Variants in TMEM80 observed in about 807,000 individuals in gnomAD.
The protein encoded by TMEM80 is transmembrane protein 80.
A neutral mutation model predicts 13.6 loss-of-function variants in TMEM80; 16 were observed. The observed-to-expected ratio is 1.17, with a 90% CI of 0.79 to 1.78. The LOEUF (loss-of-function observed/expected upper bound fraction) is 1.78. TMEM80 is among the 40% of genes most tolerant of loss of function. The pLI is 0.00. For missense variants in TMEM80, 167 were observed against 184.6 expected, an observed-to-expected ratio of 0.90 and a Z score of 0.55; for synonymous variants, 92 against 89.5, an observed-to-expected ratio of 1.03 and a Z score of -0.16.
chr11:702,279 C>T (rs547983015), intron 4 of TMEM80, among the ~76,000 whole-genome samples: 3 of 152,250 alleles, frequency 2.0e-5, no homozygotes, highest in Non-Finnish European at 4.4e-5. Context: ...AGCTTGCCCC[C>T]CAGGGCGGGC....
chr11:696,167 G>C (rs1861144976), intron 1 of TMEM80, among the ~76,000 whole-genome samples: 1 of 152,176 alleles, frequency 6.6e-6, no homozygotes, highest in African/African-American at 2.4e-5. Flanking sequence ...CGGGATGGGC[G>C]CAGGGTTTCG....
intron 1 of TMEM80, among the ~76,000 whole-genome samples, chr11:696,334 G>A (rs1328076463): frequency 6.6e-6 from 1 of 152,142 alleles, no homozygotes; most frequent in African/African-American, 2.4e-5. Flanking sequence ...GGTACAGCCA[G>A]AACTCCCATA....
At chr11:702,317 C>T (rs116069225) in intron 4 of TMEM80, among the ~76,000 whole-genome samples, 20 of 152,368 alleles carry the variant, frequency 1.3e-4, no homozygotes, top group East Asian at 7.7e-4. Flanking sequence ...AGCACCGCTG[C>T]GGCACAGAGG....
intron 4 of TMEM80, among the ~76,000 whole-genome samples, chr11:701,375 G>GT (rs71464108): frequency 6.7e-4 from 83 of 124,310 alleles, no homozygotes; most frequent in South Asian, 2.7e-3. Flanking sequence ...GTTTTGTTTT[G>GT]TTTTTTTTTG....
At position 703,015 on chromosome 11, in the gene TMEM80, C is replaced by T. The variant is rs1861567908; in HGVS notation, c.297C>T (p.Ala99=). ...AASLALTAGT[A]LLSAHFLLWQ... Reference sequence around the variant, plus strand: ...GCCTGGCCCTCACGGCTGGCACCGCCCTCCTCTCTGCCCACTTCCTGCTTT... The same window carrying T: ...GCCTGGCCCTCACGGCTGGCACCGCTCTCCTCTCTGCCCACTTCCTGCTTT... The change falls in exon 5 of 5, where the codon GCC becomes GCT. Residue 99 remains alanine, a synonymous_variant. Coordinates refer to ENST00000397510, the MANE Select transcript of TMEM80 (RefSeq NM_001042463.3). 3 of 1,612,542 alleles carry T rather than the reference C, an allele frequency of 1.9e-6. No homozygotes were observed. The highest frequency in any genetic ancestry group is 2.5e-6 in the Non-Finnish European group (3 of 1,179,860).
Position 703,292 on chromosome 11 carries a change from T to G in TMEM80, c.*142T>G. On this transcript the variant is annotated 3_prime_UTR_variant, in exon 5 of 5. Coordinates refer to ENST00000397510, the MANE Select transcript of TMEM80 (RefSeq NM_001042463.3). Reference sequence around the variant, plus strand: ...GATGGTTTTGGATGGTTCCATCTGTTCTGGCAGGAGTGGGAGCAGGAGCCA... The same window carrying G: ...GATGGTTTTGGATGGTTCCATCTGTGCTGGCAGGAGTGGGAGCAGGAGCCA... The G allele has an allele frequency of 1.4e-6, 2 of 1,431,224 alleles. No individual in the cohort carries two copies. Among genetic ancestry groups the G allele is most frequent in the Non-Finnish European group, 1.8e-6 (2 of 1,088,682 alleles). 88.7% of individuals were successfully genotyped at this position (1,431,224 alleles called of 1,614,324 possible). A position where few individuals can be genotyped will look rare whatever the true frequency, so the allele number is the denominator to read the frequency against.
rs750075705 is a variant in TMEM80, at chr11:703,166, A to G, written c.*16A>G. ...CACCAGGTAGCTACGGACACCCGGGATACCCCACACTGGGGCCCTCCTCCT... is the reference window on the plus strand; with the variant it reads ...CACCAGGTAGCTACGGACACCCGGGGTACCCCACACTGGGGCCCTCCTCCT... On this transcript the variant is annotated 3_prime_UTR_variant, in exon 5 of 5. Coordinates refer to ENST00000397510, the MANE Select transcript of TMEM80 (RefSeq NM_001042463.3). The G allele has an allele frequency of 1.1e-5, 18 of 1,592,958 alleles. No homozygotes were observed. The East Asian group carries it at 3.8e-4, about 34-fold the overall frequency.
intron 4 of TMEM80, among the ~76,000 whole-genome samples, chr11:702,490 ATTTG>A (rs2133474621): frequency 6.6e-6 from 1 of 152,258 alleles, no homozygotes; most frequent in East Asian, 1.9e-4. Context: ...TGACTGACCC[ATTTG>A]TTTGCTAAAT....
downstream of TMEM80, chr11:704,410 C>T: frequency 7.9e-7 from 1 of 1,271,572 alleles, no homozygotes; most frequent in Non-Finnish European, 1.0e-6. Flanking sequence ...TTGTCCTGGG[C>T]CGACTTCCTT....
At chr11:699,149 C>A in intron 2 of TMEM80, 1 of 497,204 alleles carries the variant, frequency 2.0e-6, no homozygotes, top group Non-Finnish European at 3.6e-6. Context: ...TGGCCACCTG[C>A]CTCTGTCTCG....
rs1403275776 is a variant in TMEM80 at position 698,860 on chromosome 11, C to G, written c.20-9C>G. 1 of 1,614,192 alleles carries G rather than the reference C, an allele frequency of 6.2e-7. No individual in the cohort carries two copies. On this transcript the variant is annotated splice_polypyrimidine_tract_variant and intron_variant, in intron 1 of 4. Transcript: ENST00000397510. ...GTCAGGCCTTGCTCACGGCCCCTTT[C>G]TCTTTCAGGGAGAGGATCCTCCACA...
intron 1 of TMEM80, chr11:697,891 G>A (rs749840695): frequency 6.6e-6 from 1 of 152,202 alleles, no homozygotes; most frequent in Non-Finnish European, 1.5e-5. Context: ...TCTTGCCTGT[G>A]TGAGATTCCA....
chr11:698,563 C>T (rs1035793779), intron 1 of TMEM80, among the ~76,000 whole-genome samples: 8 of 152,288 alleles, frequency 5.3e-5, no homozygotes, highest in African/African-American at 1.7e-4. Context: ...GGGGTGGGCT[C>T]CAGGGTGCTG....
At chr11:700,371 A>G in intron 3 of TMEM80, 136 bp downstream of exon 3, 1 of 851,458 alleles carries the variant, frequency 1.2e-6, no homozygotes. Flanking sequence ...TACTAAAAAC[A>G]CAAAAAGTAG....
At chr11:696,401 T>C (rs981272837) in intron 1 of TMEM80, among the ~76,000 whole-genome samples, 1 of 152,154 alleles carries the variant, frequency 6.6e-6, no homozygotes, top group Non-Finnish European at 1.5e-5. Context: ...AGGTGCATTG[T>C]TTTGAAGGAA....
At chr11:699,010 G>C in intron 2 of TMEM80, 122 bp downstream of exon 2, 5 of 1,202,156 alleles carry the variant, frequency 4.2e-6, no homozygotes, top group South Asian at 3.6e-5. Flanking sequence ...CTTTGGAGAG[G>C]GGGGTGTTCC....
At chr11:698,921 C>T in intron 2 of TMEM80, 33 bp downstream of exon 2, 1 of 1,613,804 alleles carries the variant, frequency 6.2e-7, no homozygotes, top group Admixed American at 1.7e-5. Flanking sequence ...AGGACAGCAC[C>T]CAGAGGCCCG....
At chr11:704,832 A>G, downstream of TMEM80, 1 of 377,334 alleles carries the variant, frequency 2.7e-6, no homozygotes, top group South Asian at 2.1e-5. Flanking sequence ...GTGGAGAGGG[A>G]CCCCACCCCC....
Position 703,369 on chromosome 11 carries a change from G to T in TMEM80, c.*219G>T. ...GGTGTTGGGAACAGCTGCGGGGAGG[G>T]TAGGGACCAGACAGAACTGCCTTCA... is the stretch of plus-strand genomic sequence containing the variant. On this transcript the variant is annotated 3_prime_UTR_variant, in exon 5 of 5. Transcript: ENST00000397510. The T allele has an allele frequency of 7.2e-7, 1 of 1,391,180 alleles. No individual in the cohort carries two copies. The highest frequency in any genetic ancestry group is 1.8e-5 in the South Asian group (1 of 54,930). 86.2% of individuals were successfully genotyped at this position (1,391,180 alleles called of 1,614,324 possible).
Sources: gnomAD v4.1 joint callset for allele counts (sites outside exome capture counted in the v4.1 genomes callset) on GRCh38, gnomAD v4.1.1 for gene constraint, MANE v1.5 for transcripts, NCBI Gene and HGNC (gene_info 2026-07-23, HGNC 2026-07-21) for gene names.